FOXP2: variants seen among roughly 807,000 people sequenced by gnomAD.
FOXP2 encodes the protein forkhead box protein P2.
In FOXP2, 12 loss-of-function variants were observed where a neutral mutation model predicts 115.8. The ratio of observed to expected loss-of-function variants is 0.10; its 90% CI spans 0.07 to 0.17. The LOEUF is 0.17. Among genes scored for constraint, FOXP2 ranks in the 10% least tolerant of loss-of-function variants. The probability of loss-of-function intolerance (pLI) is 1.00; values close to 1 mark genes in which losing one functional copy is unlikely to be tolerated. For missense variants in FOXP2, 629 were observed against 843.5 expected (o/e 0.75, Z 3.15); for synonymous variants, 328 against 297.7 (o/e 1.10, Z -1.05).
intron 1 of FOXP2, among the ~76,000 whole-genome samples, chr7:114,249,239 T>C (rs1795368747): frequency 6.6e-6 from 1 of 152,200 alleles, no homozygotes; most frequent in Non-Finnish European, 1.5e-5. Context: ...CTGAGGTACA[T>C]GTGCAGGATG....
intron 2 of FOXP2, among the ~76,000 whole-genome samples, chr7:114,299,871 GTTTC>G (rs1319354545): frequency 6.6e-6 from 1 of 151,856 alleles, no homozygotes; most frequent in Admixed American, 6.6e-5. Context: ...TCAAAAAGTG[GTTTC>G]TTTGTCTTTT....
At chr7:114,462,277 GAAAA>G (rs766244858) in intron 2 of FOXP2, among the ~76,000 whole-genome samples, 4 of 20,802 alleles carry the variant, frequency 1.9e-4, no homozygotes, top group East Asian at 1.3e-3. Context: ...GAGACTCCGT[GAAAA>G]AAAAAAAAAA....
chr7:114,094,798 AC>A, intron 1 of FOXP2, among the ~76,000 whole-genome samples: 1 of 152,230 alleles, frequency 6.6e-6, no homozygotes, highest in Middle Eastern at 3.4e-3. Context: ...AGTAGCTGGG[AC>A]CACAGGCACA....
At chr7:114,659,144 AG>A (rs1454081429) in intron 11 of FOXP2, among the ~76,000 whole-genome samples, 1 of 152,204 alleles carries the variant, frequency 6.6e-6, no homozygotes, top group Admixed American at 6.5e-5. Context: ...CAGTTCCTGA[AG>A]TACCACGAAC....
At chr7:114,558,512 C>A (rs181248178) in intron 3 of FOXP2, among the ~76,000 whole-genome samples, 1 of 152,230 alleles carries the variant, frequency 6.6e-6, no homozygotes, top group Non-Finnish European at 1.5e-5. Context: ...TGTCCCCAAC[C>A]CTACCCTACC....
chr7:114,676,037 G>A (rs1807738178), intron 16 of FOXP2, among the ~76,000 whole-genome samples: 1 of 148,920 alleles, frequency 6.7e-6, no homozygotes, highest in South Asian at 2.1e-4. Flanking sequence ...AGCCTCCTGA[G>A]TAGCTGGGAC....
In FOXP2 at chr7:114,426,424, T is replaced by C. The variant is rs543942482; in HGVS notation, c.-10-78T>C. 11 of 1,334,064 alleles carry C rather than the reference T, an allele frequency of 8.2e-6. No individual in the cohort carries two copies. The East Asian group carries it at 2.6e-4, about 31-fold the overall frequency. 82.6% of individuals were successfully genotyped at this position (1,334,064 alleles called of 1,614,324 possible). ...TCTTCTAAAGATGCTGTCTCTGTAATTGGCAGAGAGGGACATCTTGATAAT... is the reference window on the plus strand; with the variant it reads ...TCTTCTAAAGATGCTGTCTCTGTAACTGGCAGAGAGGGACATCTTGATAAT... On this transcript the variant is annotated intron_variant, in intron 1 of 16. Transcript: ENST00000350908.
rs764243498 is a variant in FOXP2, at chr7:114,451,753, C to T, written c.168+25074C>T. Among the ~76,000 whole-genome samples, 18 of 151,910 alleles carry T rather than the reference C, an allele frequency of 1.2e-4. 1 individual carries two copies. Among genetic ancestry groups the T allele is most frequent in the Admixed American group, 2.0e-4 (3 of 15,240 alleles). Reference sequence around the variant, plus strand: ...AAGTAATTACAAGTTGTAATAAGTGCTCTACAGAAAAATAATAAGATGTTA... The same window carrying T: ...AAGTAATTACAAGTTGTAATAAGTGTTCTACAGAAAAATAATAAGATGTTA... On this transcript the variant is annotated intron_variant, in intron 2 of 16. Coordinates refer to ENST00000350908, the MANE Select transcript of FOXP2 (RefSeq NM_014491.4).
At chr7:114,117,647 A>G (rs1029477330) in intron 1 of FOXP2, among the ~76,000 whole-genome samples, 5 of 152,174 alleles carry the variant, frequency 3.3e-5, no homozygotes, top group African/African-American at 2.4e-5. Flanking sequence ...GCCTTGATAA[A>G]TTAAGGTATT....
chr7:114,274,245 C>T (rs1796129399), intron 1 of FOXP2, among the ~76,000 whole-genome samples: 1 of 151,998 alleles, frequency 6.6e-6, no homozygotes, highest in African/African-American at 2.4e-5. Flanking sequence ...TACTGTCATT[C>T]AATTTGCTTA....
rs112960157 is a variant in FOXP2 at position 114,580,305 on chromosome 7, C to T, written c.258+45599C>T. ...CAGATTTAAGAAAGAAGGACGGGCA[C>T]GGTGGCTCACGCCTGTAATCCCAGC... On this transcript the variant is annotated intron_variant, in intron 3 of 16. Coordinates refer to ENST00000350908, the MANE Select transcript of FOXP2 (RefSeq NM_014491.4). Among the ~76,000 whole-genome samples, 80 of 152,276 alleles carry T rather than the reference C, an allele frequency of 5.3e-4. No homozygotes were observed. The Middle Eastern group carries it at 0.01, about 19-fold the overall frequency.
chr7:114,348,049 C>T (rs1166449999), intron 2 of FOXP2, among the ~76,000 whole-genome samples: 1 of 151,890 alleles, frequency 6.6e-6, no homozygotes, highest in East Asian at 1.9e-4. Flanking sequence ...ATTTTTTAAT[C>T]TTATTTGTTT....
chr7:114,619,754 A>G (rs1176675618), intron 3 of FOXP2, among the ~76,000 whole-genome samples: 1 of 152,064 alleles, frequency 6.6e-6, no homozygotes, highest in Non-Finnish European at 1.5e-5. Flanking sequence ...ACTGGCTGTG[A>G]AAGTATTGTC....
intron 3 of FOXP2, among the ~76,000 whole-genome samples, chr7:114,535,031 T>A (rs1330503542): frequency 1.3e-5 from 2 of 151,768 alleles, no homozygotes; most frequent in Non-Finnish European, 3.0e-5. Context: ...ATTTTTTTCT[T>A]AAAAGCAAAG....
intron 3 of FOXP2, among the ~76,000 whole-genome samples, chr7:114,537,657 A>C (rs1443744322): frequency 6.6e-6 from 1 of 151,646 alleles, no homozygotes; most frequent in Non-Finnish European, 1.5e-5. Flanking sequence ...GATGGCATAG[A>C]TATTAGCATG....
chr7:114,307,232 T>C (rs1025771494), intron 2 of FOXP2, among the ~76,000 whole-genome samples: 21 of 152,202 alleles, frequency 1.4e-4, no homozygotes, highest in Admixed American at 5.2e-4. Context: ...ATAAAGCATT[T>C]AACTAAGGCT....
chr7:114,511,043 A>G (rs1375751094), intron 2 of FOXP2, among the ~76,000 whole-genome samples: 2 of 152,166 alleles, frequency 1.3e-5, no homozygotes, highest in African/African-American at 4.8e-5. Context: ...GGATGCATTC[A>G]TGTTCTTTGC....
intron 1 of FOXP2, among the ~76,000 whole-genome samples, chr7:114,222,303 G>A (rs2129163976): frequency 6.6e-6 from 1 of 152,192 alleles, no homozygotes; most frequent in Non-Finnish European, 1.5e-5. Context: ...CTACAGGCAT[G>A]TGCCTGCATG....
At chr7:114,593,335 T>A (rs1172117743) in intron 3 of FOXP2, among the ~76,000 whole-genome samples, 1 of 151,942 alleles carries the variant, frequency 6.6e-6, no homozygotes, top group African/African-American at 2.4e-5. Context: ...TGTGTATAAA[T>A]ACTTGCTGGT....
Sources: gnomAD v4.1 joint callset for allele counts (sites outside exome capture counted in the v4.1 genomes callset) on GRCh38, gnomAD v4.1.1 for gene constraint, MANE v1.5 for transcripts, NCBI Gene and HGNC (gene_info 2026-07-23, HGNC 2026-07-21) for gene names.